The following HOMER2 variants were observed in gnomAD, a reference collection of about 807,000 sequenced individuals.
HOMER2 encodes homer scaffold protein 2.
HOMER2 carries 27 observed loss-of-function variants against 47.0 expected under a neutral mutation model. The observed-to-expected ratio is 0.57, with a 90% CI of 0.42 to 0.79. HOMER2 has a LOEUF of 0.79. HOMER2 is among the 30% of genes least tolerant of loss of function. The pLI, the probability that HOMER2 is intolerant of heterozygous loss-of-function variation, is 0.00. For missense variants in HOMER2, 443 were observed against 435.0 expected (o/e 1.02, Z -0.16); for synonymous variants, 161 against 163.8 (o/e 0.98, Z 0.13).
intron 1 of HOMER2, among the ~76,000 whole-genome samples, chr15:82,968,148 C>T (rs151169194): frequency 6.6e-6 from 1 of 152,242 alleles, no homozygotes; most frequent in East Asian, 1.9e-4. Context: ...GTGATCCTCC[C>T]GCCTCAGCTT....
chr15:82,939,399 G>C (rs2054212675), intron 1 of HOMER2, among the ~76,000 whole-genome samples: 3 of 152,200 alleles, frequency 2.0e-5, no homozygotes, highest in Admixed American at 6.5e-5. Flanking sequence ...GGGCACGGTG[G>C]CTCACGCCTG....
Position 82,966,042 on chromosome 15 carries a change from G to T in HOMER2, n.83-6734C>A, listed in dbSNP as rs187277522. 4.2e-3 allele frequency among the ~76,000 whole-genome samples: 636 copies of T among 152,260 alleles called. 3 individuals are homozygous for T. The highest frequency in any genetic ancestry group is 0.011 in the African/African-American group (444 of 41,566). On this transcript the variant is annotated intron_variant and non_coding_transcript_variant, in intron 1 of 1. Transcript: ENST00000500334. ...CTTCAGCCCAGCAGGTCGAGGCTGT[G>T]GTGAGCCAAGATTGTGCCATTGCAC...
intron 1 of HOMER2, among the ~76,000 whole-genome samples, chr15:82,925,323 C>T (rs536598221): frequency 6.6e-6 from 1 of 152,286 alleles, no homozygotes; most frequent in African/African-American, 2.4e-5. Context: ...TTAGGCAGGA[C>T]CTGGTGCCTC....
intron 4 of HOMER2, among the ~76,000 whole-genome samples, chr15:82,861,170 T>A (rs1197221275): frequency 6.6e-6 from 1 of 152,166 alleles, no homozygotes; most frequent in Non-Finnish European, 1.5e-5. Context: ...GTGGTATGCA[T>A]CACAAGCTTT....
At chr15:82,836,217 T>C (rs575758586), downstream of HOMER2, 1 of 152,416 alleles carries the variant, frequency 6.6e-6, no homozygotes, top group South Asian at 2.1e-4. Context: ...ATCCAGACTT[T>C]GGCTTCAGGG....
At chr15:82,912,411 A>T (rs1014307437) in intron 1 of HOMER2, among the ~76,000 whole-genome samples, 2 of 152,100 alleles carry the variant, frequency 1.3e-5, no homozygotes, top group Non-Finnish European at 2.9e-5. Context: ...GTCAATATAT[A>T]TCAGTGTTTC....
At chr15:82,852,074 C>T (rs1222149504) in intron 7 of HOMER2, 68 bp downstream of exon 7, 8 of 1,054,900 alleles carry the variant, frequency 7.6e-6, no homozygotes, top group Non-Finnish European at 1.2e-5. Context: ...CCCCAAGACA[C>T]CTGCTGTGTG....
At chr15:82,925,455 C>A (rs954109178) in intron 1 of HOMER2, among the ~76,000 whole-genome samples, 1 of 152,306 alleles carries the variant, frequency 6.6e-6, no homozygotes, top group African/African-American at 2.4e-5. Context: ...TGCCTAGGAC[C>A]ATGTGTGTCA....
chr15:82,902,116 G>A (rs757673986), intron 1 of HOMER2, among the ~76,000 whole-genome samples: 2 of 151,312 alleles, frequency 1.3e-5, no homozygotes, highest in Non-Finnish European at 2.9e-5. Context: ...AATCTATCAT[G>A]AACAAAGGAA....
intron 1 of HOMER2, among the ~76,000 whole-genome samples, chr15:82,920,778 T>C (rs555315164): frequency 1.3e-5 from 2 of 152,254 alleles, no homozygotes; most frequent in African/African-American, 4.8e-5. Flanking sequence ...TAACGTAGGT[T>C]CAGAAATGAG....
intron 1 of HOMER2, among the ~76,000 whole-genome samples, chr15:82,902,364 A>C (rs769148261): frequency 2.0e-5 from 3 of 151,908 alleles, no homozygotes; most frequent in Non-Finnish European, 4.4e-5. Context: ...CGCCCGGCTA[A>C]TTTTTGTATT....
rs578191921 is a variant in HOMER2, at chr15:82,893,333, T to A, written c.6-492A>T. Among the ~76,000 whole-genome samples the A allele has an allele frequency of 2.0e-3, 293 of 148,400 alleles. 3 individuals are homozygous for A. The highest frequency in any genetic ancestry group is 6.9e-3 in the African/African-American group (277 of 40,414). On this transcript the variant is annotated intron_variant, in intron 1 of 8. Coordinates refer to ENST00000450735, the MANE Select transcript of HOMER2 (RefSeq NM_004839.4). Reference sequence around the variant, plus strand: ...TTATGAATGACATAATTTTATCTTTTTTTTTTTTTTTTTTTTGGATATAGA... The same window carrying A: ...TTATGAATGACATAATTTTATCTTTATTTTTTTTTTTTTTTTGGATATAGA...
chr15:82,941,096 C>T (rs1000433432), intron 1 of HOMER2, among the ~76,000 whole-genome samples: 1 of 152,080 alleles, frequency 6.6e-6, no homozygotes, highest in Non-Finnish European at 1.5e-5. Context: ...TGACCAGTTC[C>T]TATGAGGTCT....
At chr15:82,850,333 GC>G (rs1425090151) in intron 8 of HOMER2, among the ~76,000 whole-genome samples, 3 of 152,242 alleles carry the variant, frequency 2.0e-5, no homozygotes, top group African/African-American at 7.2e-5. Context: ...CCACAGAGAG[GC>G]GTGGCCTCCT....
chr15:82,867,141 A>G (rs2051997042), intron 3 of HOMER2, among the ~76,000 whole-genome samples: 1 of 152,188 alleles, frequency 6.6e-6, no homozygotes, highest in African/African-American at 2.4e-5. Context: ...CTGTAGCATG[A>G]TAAATTATTG....
chr15:82,966,581 C>A (rs529868088), intron 1 of HOMER2, among the ~76,000 whole-genome samples: 1 of 152,220 alleles, frequency 6.6e-6, no homozygotes, highest in African/African-American at 2.4e-5. Flanking sequence ...AGGAGTCACC[C>A]AGAATTGCAT....
At chr15:82,860,245 A>T (rs2051732371) in intron 4 of HOMER2, among the ~76,000 whole-genome samples, 1 of 152,186 alleles carries the variant, frequency 6.6e-6, no homozygotes, top group Non-Finnish European at 1.5e-5. Context: ...TCAAAATAAA[A>T]AAAAGGAAAA....
intron 1 of HOMER2, among the ~76,000 whole-genome samples, chr15:82,930,187 A>C (rs1452683294): frequency 2.0e-5 from 3 of 152,116 alleles, no homozygotes; most frequent in African/African-American, 7.2e-5. Context: ...ATAACCACCA[A>C]CTTCACTCTG....
At chr15:82,918,851 C>T (rs1205204341) in intron 1 of HOMER2, among the ~76,000 whole-genome samples, 2 of 152,178 alleles carry the variant, frequency 1.3e-5, no homozygotes, top group Non-Finnish European at 2.9e-5. Flanking sequence ...GTGTTGAACT[C>T]GGCCCCGTAA....
Sources: allele counts gnomAD v4.1 joint callset (sites outside exome capture counted in the v4.1 genomes callset), GRCh38; gene constraint gnomAD v4.1.1; transcripts MANE v1.5; gene names NCBI Gene and HGNC (gene_info 2026-07-23, HGNC 2026-07-21).